The following REV3L variants were observed in gnomAD, a reference collection of about 807,000 sequenced individuals.
REV3L encodes the protein DNA polymerase zeta catalytic subunit.
In REV3L, 69 loss-of-function variants were observed where a neutral mutation model predicts 299.4. The ratio of observed to expected loss-of-function variants is 0.23; its 90% CI spans 0.19 to 0.28. REV3L has a LOEUF of 0.28. Among genes scored for constraint, REV3L ranks in the 10% least tolerant of loss-of-function variants. The pLI, the probability that REV3L is intolerant of heterozygous loss-of-function variation, is 1.00. For synonymous variants in REV3L, 1,238 were observed against 1,271.4 expected, an observed-to-expected ratio of 0.97 and a Z score of 0.56; for missense variants, 3,128 against 3,693.8, an observed-to-expected ratio of 0.85 and a Z score of 3.97.
chr6:111,472,090 T>C (rs1416874540), intron 1 of REV3L: 3 of 1,262,910 alleles, frequency 2.4e-6, no homozygotes, highest in Non-Finnish European at 3.1e-6. Context: ...AATAATATGA[T>C]GACAGTTTAA....
At chr6:111,320,060 G>A (rs894145208) in intron 26 of REV3L, among the ~76,000 whole-genome samples, 1 of 150,414 alleles carries the variant, frequency 6.6e-6, no homozygotes, top group African/African-American at 2.5e-5. Flanking sequence ...ACAGGTGTGA[G>A]CCACTGCACC....
intron 1 of REV3L, among the ~76,000 whole-genome samples, chr6:111,459,513 A>C (rs1437493862): frequency 6.6e-6 from 1 of 152,154 alleles, no homozygotes; most frequent in Non-Finnish European, 1.5e-5. Flanking sequence ...AAAAATTCAG[A>C]AACTATGTAT....
At chr6:111,429,425 A>G (rs534401403) in intron 1 of REV3L, among the ~76,000 whole-genome samples, 2 of 152,374 alleles carry the variant, frequency 1.3e-5, no homozygotes, top group South Asian at 4.1e-4. Context: ...AAAAAACACT[A>G]ACTTACAAAA....
chr6:111,335,533 T>C lies in REV3L; in HGVS notation c.7616A>G (p.Lys2539Arg). ...QMLEQLDLIGKTSEMARLFGI... is the reference protein window; with the variant it reads ...QMLEQLDLIGRTSEMARLFGI... ...AAAAAGTCTAGCCATCTCACTGGTT[T>C]TCCCAATCAGGTCCAGCTGTTCTAA... Residue 2539 changes from lysine (K) to arginine (R), a missense_variant, in exon 22 of 32, where the codon AAA becomes AGA. By Grantham distance (26) the Lys-to-Arg change is conservative. Around this residue, in one of 9 missense-constraint regions of REV3L, gnomAD observed 149 missense variants for 286.4 expected, o/e 0.52. Transcript: ENST00000368802. 1 of 1,613,644 alleles carries C rather than the reference T, an allele frequency of 6.2e-7. No individual in the cohort carries two copies. The highest frequency in any genetic ancestry group is 8.5e-7 in the Non-Finnish European group (1 of 1,179,708).
chr6:111,450,921 C>T (rs753347069), intron 1 of REV3L, among the ~76,000 whole-genome samples: 2 of 152,214 alleles, frequency 1.3e-5, no homozygotes, highest in South Asian at 2.1e-4. Context: ...TACCTATAAA[C>T]TATCCTAGTC....
chr6:111,471,979 AC>A, intron 1 of REV3L: 1 of 964,948 alleles, frequency 1.0e-6, no homozygotes. Context: ...CACCCCCCTC[AC>A]CCCCAATATA....
intron 26 of REV3L, among the ~76,000 whole-genome samples, chr6:111,319,445 G>A (rs909154911): frequency 2.0e-4 from 31 of 152,002 alleles, no homozygotes; most frequent in African/African-American, 6.5e-4. Context: ...CAGCCTGGGC[G>A]GCAGAGCGAG....
intron 26 of REV3L, among the ~76,000 whole-genome samples, chr6:111,319,422 C>T (rs1773890901): frequency 6.6e-6 from 1 of 151,744 alleles, no homozygotes; most frequent in Non-Finnish European, 1.5e-5. Flanking sequence ...GATTGCGCCA[C>T]TGCACTGGAC....
At chr6:111,432,486 A>ATAT (rs1787056503) in intron 1 of REV3L, among the ~76,000 whole-genome samples, 1 of 152,228 alleles carries the variant, frequency 6.6e-6, no homozygotes, top group Non-Finnish European at 1.5e-5. Flanking sequence ...TAAAAGGGTC[A>ATAT]ATTCAGCAAG....
chr6:111,437,457 T>C (rs1382834659), intron 1 of REV3L, among the ~76,000 whole-genome samples: 1 of 151,746 alleles, frequency 6.6e-6, no homozygotes, highest in Non-Finnish European at 1.5e-5. Flanking sequence ...AAAATTAAAA[T>C]ATTTCAATTA....
intron 1 of REV3L, among the ~76,000 whole-genome samples, chr6:111,444,955 G>A (rs1310749612): frequency 6.6e-6 from 1 of 152,184 alleles, no homozygotes; most frequent in South Asian, 2.1e-4. Context: ...CAAAGCGAAG[G>A]AGATTTATGG....
intron 22 of REV3L, among the ~76,000 whole-genome samples, chr6:111,333,767 T>C (rs1775635618): frequency 6.6e-6 from 1 of 152,144 alleles, no homozygotes; most frequent in Non-Finnish European, 1.5e-5. Flanking sequence ...TGAGCCACTA[T>C]GACCAGCCTG....
intron 1 of REV3L, among the ~76,000 whole-genome samples, chr6:111,458,578 G>A (rs954989967): frequency 6.6e-6 from 1 of 152,080 alleles, no homozygotes; most frequent in Non-Finnish European, 1.5e-5. Context: ...AACAACTTCA[G>A]TCAAGTTTTA....
intron 1 of REV3L, among the ~76,000 whole-genome samples, chr6:111,474,112 G>C (rs1208215941): frequency 6.6e-6 from 1 of 152,142 alleles, no homozygotes; most frequent in African/African-American, 2.4e-5. Flanking sequence ...TGTTATGGTA[G>C]ATATTTTTTG....
chr6:111,330,207 G>A (rs1300439479), intron 24 of REV3L: 1 of 430,612 alleles, frequency 2.3e-6, no homozygotes, highest in Middle Eastern at 3.4e-4. Context: ...GATGAGCTGG[G>A]TTGACTCTGC....
At position 111,299,832 on chromosome 6, in the gene REV3L, A is replaced by C. The variant is rs990643073; in HGVS notation, c.*184T>G. The C allele has an allele frequency of 4.2e-6, 2 of 473,560 alleles. No individual in the cohort carries two copies. Among genetic ancestry groups the C allele is most frequent in the Admixed American group, 4.2e-5 (1 of 24,006 alleles). The allele number at this position is 473,560 out of a possible 1,614,324, so 29.3% of individuals were successfully genotyped here. A position where few individuals can be genotyped will look rare whatever the true frequency, so the allele number is the denominator to read the frequency against. ...ACAGAATGAGGAATTTGTACATTGT[A>C]AGAAGTGAGCTATTCAGAGATCAAC... On this transcript the variant is annotated 3_prime_UTR_variant, in exon 32 of 32. Coordinates refer to ENST00000368802, the MANE Select transcript of REV3L (RefSeq NM_001372078.1).
chr6:111,397,951 CTTT>C (rs1782697765), intron 4 of REV3L, among the ~76,000 whole-genome samples: 1 of 150,616 alleles, frequency 6.6e-6, no homozygotes, highest in Non-Finnish European at 1.5e-5. Context: ...TCCAATGTTT[CTTT>C]TTTGATTTTC....
At chr6:111,397,885 CCTCAGCTT>C (rs1032183107) in intron 4 of REV3L, among the ~76,000 whole-genome samples, 1 of 151,986 alleles carries the variant, frequency 6.6e-6, no homozygotes, top group African/African-American at 2.4e-5. Flanking sequence ...AATCCTCCTG[CCTCAGCTT>C]CTCAAAGTGT....
intron 4 of REV3L, among the ~76,000 whole-genome samples, chr6:111,402,983 A>G (rs1410617333): frequency 6.6e-6 from 1 of 152,228 alleles, no homozygotes; most frequent in African/African-American, 2.4e-5. Context: ...AGCATTGTTC[A>G]TAATAGCCAA....
Sources: allele counts gnomAD v4.1 joint callset (sites outside exome capture counted in the v4.1 genomes callset), GRCh38; gene constraint gnomAD v4.1.1; regional missense constraint gnomAD v4.1.1; transcripts MANE v1.5; gene names NCBI Gene and HGNC (gene_info 2026-07-23, HGNC 2026-07-21).